The following CDH7 variants were observed in gnomAD, a reference collection of about 807,000 sequenced individuals.
CDH7 encodes cadherin 7, also known as cadherin-7.
In CDH7, 25 loss-of-function variants were observed where a neutral mutation model predicts 71.8. The ratio of observed to expected loss-of-function variants is 0.35; its 90% CI spans 0.25 to 0.49. CDH7 has a LOEUF of 0.49. Ranked by LOEUF, CDH7 falls within the 20% of genes least tolerant of loss-of-function variation. The pLI, the probability that CDH7 is intolerant of heterozygous loss-of-function variation, is 0.99. For synonymous variants in CDH7, 381 were observed against 363.8 expected, an observed-to-expected ratio of 1.05 and a Z score of -0.54; for missense variants, 862 against 974.6, an observed-to-expected ratio of 0.88 and a Z score of 1.54.
chr18:65,880,508 G>A lies in CDH7; in HGVS notation c.1972G>A (p.Gly658Arg), dbSNP rs116566190. 3.1e-6 allele frequency: 5 copies of A among 1,612,150 alleles called. No individual in the cohort carries two copies. Among genetic ancestry groups the A allele is most frequent in the African/African-American group, 1.3e-5 (1 of 74,768 alleles). Reference protein sequence around the residue: ...ENIVRYDDEGGGEEDTEAFDM... With the variant: ...ENIVRYDDEGRGEEDTEAFDM... ...TATTGTGAGATACGATGACGAGGGC[G>A]GGGGAGAGGAGGACACGGAAGCGTT... is the stretch of plus-strand genomic sequence containing the variant. Residue 658 changes from glycine to arginine, a missense_variant, in exon 12 of 12, where the codon GGG becomes AGG. Coordinates refer to ENST00000397968, the MANE Select transcript of CDH7 (RefSeq NM_004361.5).
intron 2 of CDH7, among the ~76,000 whole-genome samples, chr18:65,765,732 TA>T (rs1916341698): frequency 6.6e-6 from 1 of 152,146 alleles, no homozygotes; most frequent in Non-Finnish European, 1.5e-5. Flanking sequence ...TTTTGTACCT[TA>T]ACTTGATCAC....
At chr18:65,856,044 C>A (rs190374527) in intron 7 of CDH7, among the ~76,000 whole-genome samples, 13 of 152,006 alleles carry the variant, frequency 8.6e-5, no homozygotes, top group African/African-American at 2.9e-4. Context: ...TAAGGACACT[C>A]AGGCAGTGTT....
At chr18:65,778,271 C>CAAAAAAA (rs148841669) in intron 2 of CDH7, among the ~76,000 whole-genome samples, 5 of 84,330 alleles carry the variant, frequency 5.9e-5, no homozygotes, top group Admixed American at 1.5e-4. Flanking sequence ...GACTCTGTCT[C>CAAAAAAA]AAAAAAAAAA....
chr18:65,790,220 CAAAAAAA>C (rs10552878), intron 2 of CDH7, among the ~76,000 whole-genome samples: 1 of 66,498 alleles, frequency 1.5e-5, no homozygotes, highest in Non-Finnish European at 2.9e-5. Flanking sequence ...GACTCTCTCT[CAAAAAAA>C]AAAAAAAAAA....
intron 7 of CDH7, among the ~76,000 whole-genome samples, chr18:65,853,201 C>A (rs997295636): frequency 6.6e-6 from 1 of 152,142 alleles, no homozygotes; most frequent in African/African-American, 2.4e-5. Context: ...GTTCACACAC[C>A]GCTAATGGCA....
chr18:65,861,333 GTGTGTT>G (rs201365319), intron 10 of CDH7, among the ~76,000 whole-genome samples: 3,726 of 22,826 alleles, frequency 0.16, 124 homozygotes, highest in African/African-American at 0.25. Flanking sequence ...CCGTGTGTGT[GTGTGTT>G]TGTGTGTGTG....
At chr18:65,761,164 A>G (rs976146993) in intron 1 of CDH7, among the ~76,000 whole-genome samples, 13 of 152,164 alleles carry the variant, frequency 8.5e-5, no homozygotes, top group Non-Finnish European at 4.4e-5. Flanking sequence ...TTAGATGAAC[A>G]TTGGCTTTTC....
At chr18:65,819,237 A>G (rs973054503) in intron 4 of CDH7, among the ~76,000 whole-genome samples, 3 of 152,196 alleles carry the variant, frequency 2.0e-5, no homozygotes, top group South Asian at 2.1e-4. Flanking sequence ...CTACCCCTCA[A>G]TCTGCATTGA....
At chr18:65,878,640 G>A (rs1314290624) in intron 11 of CDH7, among the ~76,000 whole-genome samples, 1 of 152,122 alleles carries the variant, frequency 6.6e-6, no homozygotes, top group Admixed American at 6.6e-5. Flanking sequence ...TTGAACTTAG[G>A]TTGGTGCAAA....
intron 7 of CDH7, among the ~76,000 whole-genome samples, chr18:65,848,312 G>T (rs1913007502): frequency 6.6e-6 from 1 of 152,146 alleles, no homozygotes; most frequent in Non-Finnish European, 1.5e-5. Context: ...AAGCACTGGG[G>T]AAAATGCTAA....
At chr18:65,851,837 T>C (rs1913161340) in intron 7 of CDH7, among the ~76,000 whole-genome samples, 1 of 152,114 alleles carries the variant, frequency 6.6e-6, no homozygotes, top group African/African-American at 2.4e-5. Context: ...TGGCCAGAAA[T>C]ACTGTCCTTT....
intron 2 of CDH7, among the ~76,000 whole-genome samples, chr18:65,798,243 CA>C (rs1910986617): frequency 6.6e-6 from 1 of 152,052 alleles, no homozygotes; most frequent in South Asian, 2.1e-4. Flanking sequence ...AAGAGTATGT[CA>C]GATATCTACT....
intron 11 of CDH7, chr18:65,863,713 A>T: frequency 6.6e-6 from 1 of 152,360 alleles, no homozygotes; most frequent in East Asian, 1.9e-4. Context: ...TTATATTTTT[A>T]AAGTATTAAA....
In CDH7 at chr18:65,847,971, A is replaced by C. The variant is rs568167655; in HGVS notation, c.1235+3906A>C. On this transcript the variant is annotated intron_variant, in intron 7 of 11. Coordinates refer to ENST00000397968, the MANE Select transcript of CDH7 (RefSeq NM_004361.5). ...TTGAGATTACTTAGAGGGAAAAAAA[A>C]CGATTTTTTTTTTTAAAGAAAAATG... Among the ~76,000 whole-genome samples, 84 of 47,860 alleles carry C rather than the reference A, an allele frequency of 1.8e-3. 3 individuals carry two copies. The South Asian group carries it at 0.12, about 70-fold the overall frequency. The allele number at this position is 47,860 out of a possible 152,430, so 31.4% of individuals were successfully genotyped here.
chr18:65,796,737 C>A (rs73966303), intron 2 of CDH7, among the ~76,000 whole-genome samples: 1 of 152,156 alleles, frequency 6.6e-6, no homozygotes, highest in South Asian at 2.1e-4. Flanking sequence ...TTGGATAACA[C>A]AGGCTTGAAG....
rs73542727 is a variant in CDH7, at chr18:65,794,109, T to C, written c.211-15595T>C. Among the ~76,000 whole-genome samples the C allele has an allele frequency of 6.6e-3, 1,004 of 152,214 alleles. 12 individuals are homozygous for C. The highest frequency in any genetic ancestry group is 0.022 in the African/African-American group (932 of 41,542). On this transcript the variant is annotated intron_variant, in intron 2 of 11. Transcript: ENST00000397968. ...ATTATAAGATGCATCTTTTTCCACA[T>C]TTTACCTTGCAAAATCAGGATACTT... is the stretch of plus-strand genomic sequence containing the variant.
chr18:65,824,071 C>T (rs774068360), intron 5 of CDH7, among the ~76,000 whole-genome samples: 2 of 149,236 alleles, frequency 1.3e-5, no homozygotes, highest in Admixed American at 6.7e-5. Flanking sequence ...ATTGTCTAGG[C>T]TCCCAGACCA....
chr18:65,869,282 G>T (rs111812201), intron 11 of CDH7, among the ~76,000 whole-genome samples: 33 of 150,724 alleles, frequency 2.2e-4, no homozygotes, highest in African/African-American at 7.6e-4. Flanking sequence ...GAACCAATCC[G>T]TCAGTATTTC....
chr18:65,866,334 A>AAG, intron 11 of CDH7: 1 of 138,342 alleles, frequency 7.2e-6, no homozygotes, highest in Non-Finnish European at 1.5e-5. Flanking sequence ...AAAAAAACAA[A>AAG]AAAAAAAAAA....
Sources: gnomAD v4.1 joint callset for allele counts (sites outside exome capture counted in the v4.1 genomes callset) on GRCh38, gnomAD v4.1.1 for gene constraint, MANE v1.5 for transcripts, NCBI Gene and HGNC (gene_info 2026-07-23, HGNC 2026-07-21) for gene names.